ELAPOR2: variants seen among roughly 807,000 people sequenced by gnomAD.
ELAPOR2 encodes endosome/lysosome-associated apoptosis and autophagy regulator family member 2.
A neutral mutation model predicts 120.7 loss-of-function variants in ELAPOR2; 89 were observed. The ratio of observed to expected loss-of-function variants is 0.74; its 90% CI spans 0.62 to 0.88. ELAPOR2 has a LOEUF of 0.88. ELAPOR2 is among the 40% of genes least tolerant of loss of function. ELAPOR2 has a pLI of 0.00. For synonymous variants in ELAPOR2, 444 were observed against 444.9 expected (o/e 1.00, Z 0.03); for missense variants, 1,134 against 1,251.6 (o/e 0.91, Z 1.42).
At chr7:86,963,977 G>A (rs1455115710) in intron 2 of ELAPOR2, among the ~76,000 whole-genome samples, 1 of 152,120 alleles carries the variant, frequency 6.6e-6, no homozygotes, top group East Asian at 1.9e-4. Context: ...GATTATTGCA[G>A]TTTCCCTTTT....
chr7:86,978,267 A>G (rs9719800), intron 1 of ELAPOR2, among the ~76,000 whole-genome samples: 40,901 of 152,148 alleles, frequency 0.27, 5,963 homozygotes, highest in African/African-American at 0.38. Flanking sequence ...AGGCCTCCGC[A>G]GCCATGTGGA....
In ELAPOR2 at chr7:87,045,637, T is replaced by C. The variant is rs1023079248; in HGVS notation, c.189+13688A>G. Among the ~76,000 whole-genome samples, 37 of 151,412 alleles carry C rather than the reference T, an allele frequency of 2.4e-4. 1 individual carries two copies. The highest frequency in any genetic ancestry group is 2.2e-4 in the Non-Finnish European group (15 of 67,818). ...GTGGGGGGAGGAGGGAGGGATAGCA[T>C]TGGGAGATATACCTAATGCTAGATG... is the stretch of plus-strand genomic sequence containing the variant. On this transcript the variant is annotated intron_variant, in intron 1 of 21. Coordinates refer to ENST00000450689, the MANE Select transcript of ELAPOR2 (RefSeq NM_001142749.3).
At chr7:87,019,259 G>T (rs1338137821) in intron 1 of ELAPOR2, among the ~76,000 whole-genome samples, 2 of 152,066 alleles carry the variant, frequency 1.3e-5, no homozygotes, top group African/African-American at 2.4e-5. Context: ...AACCTCCCAG[G>T]CTTAAGCCAT....
chr7:86,966,897 TCTC>T (rs978870081), intron 1 of ELAPOR2, among the ~76,000 whole-genome samples: 9 of 152,102 alleles, frequency 5.9e-5, no homozygotes, highest in African/African-American at 2.2e-4. Context: ...ACCATTGCCT[TCTC>T]CTCCTCTTGT....
chr7:86,939,591 T>C (rs896232331), intron 6 of ELAPOR2, among the ~76,000 whole-genome samples: 3 of 152,078 alleles, frequency 2.0e-5, no homozygotes, highest in African/African-American at 7.2e-5. Context: ...CAGAGAAGCA[T>C]AAAAGGTTTA....
intron 1 of ELAPOR2, among the ~76,000 whole-genome samples, chr7:86,983,556 G>A (rs2116564755): frequency 6.6e-6 from 1 of 152,234 alleles, no homozygotes; most frequent in East Asian, 1.9e-4. Context: ...AAAAGAATTT[G>A]CAGCCCAGGA....
chr7:87,032,763 T>G (rs760230691), intron 1 of ELAPOR2, among the ~76,000 whole-genome samples: 1 of 152,146 alleles, frequency 6.6e-6, no homozygotes, highest in African/African-American at 2.4e-5. Context: ...TTCATCAGCA[T>G]AGCATAAAAA....
chr7:87,030,078 T>C (rs1460904290), intron 1 of ELAPOR2, among the ~76,000 whole-genome samples: 4 of 152,116 alleles, frequency 2.6e-5, no homozygotes, highest in African/African-American at 9.7e-5. Context: ...CAATCTGATT[T>C]TGAAGAGATC....
intron 1 of ELAPOR2, among the ~76,000 whole-genome samples, chr7:87,034,652 T>A (rs1794525958): frequency 1.3e-5 from 2 of 152,164 alleles, no homozygotes; most frequent in African/African-American, 4.8e-5. Context: ...CTAAGAATTA[T>A]CAAGTAGAAG....
chr7:86,991,109 C>T (rs1396207956), intron 1 of ELAPOR2, among the ~76,000 whole-genome samples: 1 of 152,052 alleles, frequency 6.6e-6, no homozygotes, highest in East Asian at 1.9e-4. Flanking sequence ...ATATTTATAT[C>T]CATCACATAT....
chr7:86,966,648 A>G (rs966859620), intron 1 of ELAPOR2, among the ~76,000 whole-genome samples: 1 of 152,220 alleles, frequency 6.6e-6, no homozygotes, highest in African/African-American at 2.4e-5. Flanking sequence ...TTCGTTTCCC[A>G]TAACAGCCGT....
intron 2 of ELAPOR2, among the ~76,000 whole-genome samples, chr7:86,949,130 T>C (rs1018017336): frequency 6.6e-6 from 1 of 152,160 alleles, no homozygotes; most frequent in Admixed American, 6.5e-5. Flanking sequence ...TACAATGAAC[T>C]TCTACATTCA....
chr7:86,946,308 T>A (rs1002424820), intron 3 of ELAPOR2, among the ~76,000 whole-genome samples: 1 of 152,154 alleles, frequency 6.6e-6, no homozygotes, highest in Non-Finnish European at 1.5e-5. Flanking sequence ...TCTACAATGA[T>A]ATAACCATTT....
chr7:87,029,572 T>A (rs1794361831), intron 1 of ELAPOR2, among the ~76,000 whole-genome samples: 1 of 152,202 alleles, frequency 6.6e-6, no homozygotes, highest in Admixed American at 6.5e-5. Context: ...CAATGGAGGT[T>A]GGATTTTAGA....
At chr7:86,973,950 T>C (rs978762962) in intron 1 of ELAPOR2, among the ~76,000 whole-genome samples, 2 of 152,074 alleles carry the variant, frequency 1.3e-5, no homozygotes, top group African/African-American at 4.8e-5. Context: ...GCTACCACTT[T>C]ATAAACTAAA....
intron 2 of ELAPOR2, among the ~76,000 whole-genome samples, chr7:86,963,895 G>A (rs974034511): frequency 3.9e-5 from 6 of 152,128 alleles, no homozygotes; most frequent in African/African-American, 1.4e-4. Flanking sequence ...GGGCTCTCAG[G>A]TTCTCCCTGA....
At chr7:86,930,492 C>T (rs771219541) in intron 8 of ELAPOR2, among the ~76,000 whole-genome samples, 11 of 151,832 alleles carry the variant, frequency 7.2e-5, no homozygotes, top group Non-Finnish European at 1.5e-4. Flanking sequence ...CTTTGTCCTG[C>T]TATATAATTT....
At chr7:86,989,542 A>G (rs371243369) in intron 1 of ELAPOR2, among the ~76,000 whole-genome samples, 29 of 152,352 alleles carry the variant, frequency 1.9e-4, no homozygotes, top group African/African-American at 5.3e-4. Flanking sequence ...GCCACTGCCA[A>G]TGTGACTTAC....
Position 86,926,791 on chromosome 7 carries a change from A to C in ELAPOR2, c.1215T>G (p.Asn405Lys), listed in dbSNP as rs896834415. 1.2e-6 allele frequency: 2 copies of C among 1,612,064 alleles called. No individual in the cohort carries two copies. The highest frequency in any genetic ancestry group is 2.7e-5 in the African/African-American group (2 of 74,858). ...CPPCNPGFYN[N>K]GSSSCHPCPP... The stretch of plus-strand genomic sequence containing the variant: ...GACAGGGATGGCAAGAAGATGATCC[A>C]TTGTTATAAAATCCAGGGTTGCAAG... Residue 405 changes from asparagine to lysine, a missense_variant, in exon 9 of 22, where the codon AAT (asparagine) becomes AAG (lysine). Coordinates refer to ENST00000450689, the MANE Select transcript of ELAPOR2 (RefSeq NM_001142749.3).
Sources: gnomAD v4.1 joint callset for allele counts (sites outside exome capture counted in the v4.1 genomes callset) on GRCh38, gnomAD v4.1.1 for gene constraint, MANE v1.5 for transcripts, NCBI Gene and HGNC (gene_info 2026-07-23, HGNC 2026-07-21) for gene names.